The following TRIM24 variants were observed in gnomAD, a reference collection of about 807,000 sequenced individuals.
TRIM24 encodes the protein tripartite motif containing 24.
A neutral mutation model predicts 123.9 loss-of-function variants in TRIM24; 29 were observed. The observed-to-expected ratio is 0.23, with a 90% CI of 0.17 to 0.32. The LOEUF is 0.32. Among genes scored for constraint, TRIM24 ranks in the 10% least tolerant of loss-of-function variants. The pLI, the probability that TRIM24 is intolerant of heterozygous loss-of-function variation, is 1.00. For missense variants in TRIM24, 932 were observed against 1,295.3 expected (o/e 0.72, Z 4.31); for synonymous variants, 456 against 461.1 (o/e 0.99, Z 0.14).
At position 138,488,605 on chromosome 7, in the gene TRIM24, A is replaced by G. The variant is rs1230095197; in HGVS notation, c.365-15685A>G. The stretch of plus-strand genomic sequence containing the variant: ...TATTTCTGCCTTCATTTTGTTATGT[A>G]CCCAGTAATCATTTAGGAGCAGGTT... On this transcript the variant is annotated intron_variant, in intron 1 of 18. Transcript: ENST00000343526. Among the ~76,000 whole-genome samples, 4 of 152,070 alleles carry G rather than the reference A, an allele frequency of 2.6e-5. No homozygotes were observed. The East Asian group carries it at 7.7e-4, about 29-fold the overall frequency.
At chr7:138,464,665 T>TAC (rs1004426980) in intron 1 of TRIM24, among the ~76,000 whole-genome samples, 76 of 152,234 alleles carry the variant, frequency 5.0e-4, no homozygotes, top group African/African-American at 1.6e-3. Flanking sequence ...TAAATATATA[T>TAC]ACACACACAC....
Position 138,568,379 on chromosome 7 carries a change from C to CTT in TRIM24, c.1704+754_1704+755dup, listed in dbSNP as rs60386130. Among the ~76,000 whole-genome samples, 448 of 68,694 alleles carry CTT rather than the reference C, an allele frequency of 6.5e-3. 35 individuals carry two copies. Among genetic ancestry groups the CTT allele is most frequent in the African/African-American group, 0.015 (254 of 16,992 alleles). 45.1% of individuals were successfully genotyped at this position (68,694 alleles called of 152,430 possible). On this transcript the variant is annotated intron_variant, in intron 10 of 18. Transcript: ENST00000343526. ...CTCGTAAGCCACCGTACCTGGCCTC[C>CTT]TTTTTTTTTTTTTTTTTTTTTTTTT...
chr7:138,503,503 A>G (rs1796084172), intron 1 of TRIM24, among the ~76,000 whole-genome samples: 1 of 152,022 alleles, frequency 6.6e-6, no homozygotes, highest in African/African-American at 2.4e-5. Context: ...TTGTTTATAC[A>G]TATGAAATTG....
chr7:138,523,924 A>C (rs942681814), intron 4 of TRIM24, among the ~76,000 whole-genome samples: 3 of 152,164 alleles, frequency 2.0e-5, no homozygotes, highest in Non-Finnish European at 4.4e-5. Flanking sequence ...TGAATGTAAA[A>C]ATTCCAAGAA....
At chr7:138,508,708 C>CGTGTGCGTGTGTGTGTGCGTGTGCGT (rs1554436685) in intron 2 of TRIM24, among the ~76,000 whole-genome samples, 1 of 136,194 alleles carries the variant, frequency 7.3e-6, no homozygotes, top group Non-Finnish European at 1.6e-5. Context: ...CGCGTGTGTG[C>CGTGTGCGTGTGTGTGTGCGTGTGCGT]GTGTGTGTGT....
At chr7:138,469,139 A>G (rs1795214683) in intron 1 of TRIM24, among the ~76,000 whole-genome samples, 1 of 152,166 alleles carries the variant, frequency 6.6e-6, no homozygotes, top group African/African-American at 2.4e-5. Context: ...CTGGTGGAAA[A>G]CTGATGTCAG....
At chr7:138,461,323 C>T (rs1322949257) in intron 1 of TRIM24, 5 of 478,238 alleles carry the variant, frequency 1.0e-5, no homozygotes, top group African/African-American at 9.9e-5. Context: ...TCCTGATCAT[C>T]TCGTCTATAC....
chr7:138,579,269 G>A lies in TRIM24; in HGVS notation c.2322G>A (p.Glu774=). The change falls in exon 15 of 19, where the codon GAG becomes GAA. Residue 774 remains glutamate (E), a synonymous_variant. Coordinates refer to ENST00000343526, the MANE Select transcript of TRIM24 (RefSeq NM_015905.3). Reference sequence around the variant, plus strand: ...ATAGCAGTCAGAGCTCTACTTCTGAGGAGACTGTGCTAAGATCAGATGCCC... The same window carrying A: ...ATAGCAGTCAGAGCTCTACTTCTGAAGAGACTGTGCTAAGATCAGATGCCC... ...LLNSSQSSTS[E]ETVLRSDAPD... 1.2e-6 allele frequency: 2 copies of A among 1,614,024 alleles called. No homozygotes were observed. The highest frequency in any genetic ancestry group is 1.7e-6 in the Non-Finnish European group (2 of 1,179,948).
chr7:138,570,919 A>T lies in TRIM24; in HGVS notation c.1794A>T (p.Gly598=). 1 of 1,614,168 alleles carries T rather than the reference A, an allele frequency of 6.2e-7. No homozygotes were observed. Among genetic ancestry groups the T allele is most frequent in the Non-Finnish European group, 8.5e-7 (1 of 1,180,024 alleles). ...PSSPTITSAA[G]YDGKAFGSPM... ...GCCCCACGATTACTAGTGCAGCAGG[A>T]TATGATGGAAAGGCTTTTGGTTCAC... Residue 598 remains glycine (G), a synonymous_variant, in exon 11 of 19, where the codon GGA becomes GGT. Transcript: ENST00000343526.
intron 12 of TRIM24, 72 bp downstream of exon 12, chr7:138,573,714 C>A: frequency 6.7e-7 from 1 of 1,489,190 alleles, no homozygotes; most frequent in Non-Finnish European, 9.0e-7. Flanking sequence ...AAAAATTACC[C>A]CTCTTCTCCT....
intron 1 of TRIM24, among the ~76,000 whole-genome samples, chr7:138,494,998 T>C (rs1285891386): frequency 1.3e-5 from 2 of 152,202 alleles, no homozygotes; most frequent in East Asian, 3.9e-4. Context: ...TTCACTGTTA[T>C]GGAGTGATCA....
chr7:138,578,845 G>A (rs1462192766), intron 14 of TRIM24, among the ~76,000 whole-genome samples: 1 of 151,968 alleles, frequency 6.6e-6, no homozygotes, highest in Admixed American at 6.6e-5. Flanking sequence ...ACCATCCTGG[G>A]CTTCAACAGA....
At chr7:138,470,092 CTGT>C (rs1338451409) in intron 1 of TRIM24, among the ~76,000 whole-genome samples, 9 of 144,904 alleles carry the variant, frequency 6.2e-5, no homozygotes, top group Non-Finnish European at 1.2e-4. Flanking sequence ...ACTGCAGACT[CTGT>C]TGTTTGTTTT....
intron 7 of TRIM24, among the ~76,000 whole-genome samples, chr7:138,542,299 C>T (rs1343831545): frequency 2.6e-5 from 4 of 152,184 alleles, no homozygotes; most frequent in African/African-American, 9.7e-5. Context: ...TGCAACTCTT[C>T]CTTTCACTTG....
rs140875254 is a variant in TRIM24 at position 138,476,937 on chromosome 7, G to C, written c.364+16025G>C. On this transcript the variant is annotated intron_variant, in intron 1 of 18. Transcript: ENST00000343526. ...GTGGAATAAACTATGGTATATTACT[G>C]TGCCGATGTAAAAAAGGAATGAAAA... Among the ~76,000 whole-genome samples, 22 of 152,200 alleles carry C rather than the reference G, an allele frequency of 1.4e-4. No homozygotes were observed. In the East Asian group the frequency reaches 4.3e-3, roughly 29 times the overall value.
At position 138,588,310 on chromosome 7, in the gene TRIM24, A is replaced by G. The variant is rs187047057; in HGVS notation, c.*3359A>G. 6.6e-6 allele frequency: 1 copy of G among 152,366 alleles called. No homozygotes were observed. The highest frequency in any genetic ancestry group is 6.5e-5 in the Admixed American group (1 of 15,308). 9.4% of individuals were successfully genotyped at this position (152,366 alleles called of 1,614,324 possible). A position where few individuals can be genotyped will look rare whatever the true frequency, so the allele number is the denominator to read the frequency against. On this transcript the variant is annotated 3_prime_UTR_variant, in exon 19 of 19. Coordinates refer to ENST00000343526, the MANE Select transcript of TRIM24 (RefSeq NM_015905.3). ...GAATCCCCAAAGTAAATTGCTGCAT[A>G]TGAACAACAGGTTTTAGGTTTAAAT... is the stretch of plus-strand genomic sequence containing the variant.
rs1430382490 is a variant in TRIM24 at position 138,587,823 on chromosome 7, C to T, written c.*2872C>T. 6.6e-6 allele frequency: 1 copy of T among 152,154 alleles called. No homozygotes were observed. Among genetic ancestry groups the T allele is most frequent in the African/African-American group, 2.4e-5 (1 of 41,430 alleles). 9.4% of individuals were successfully genotyped at this position (152,154 alleles called of 1,614,324 possible). ...GTGTAAGGAAGCCCAAGTACTTGAC[C>T]AGTGATATATATGGCCATGGCAAAA... is the stretch of plus-strand genomic sequence containing the variant. On this transcript the variant is annotated 3_prime_UTR_variant, in exon 19 of 19. Transcript: ENST00000343526.
chr7:138,505,105 C>A (rs1274325796), intron 2 of TRIM24, among the ~76,000 whole-genome samples: 2 of 152,058 alleles, frequency 1.3e-5, no homozygotes, highest in Admixed American at 6.6e-5. Context: ...TGCTGGAGAT[C>A]TCTAAAATAA....
intron 1 of TRIM24, among the ~76,000 whole-genome samples, chr7:138,486,357 T>A (rs910801737): frequency 6.6e-6 from 1 of 152,296 alleles, no homozygotes; most frequent in East Asian, 1.9e-4. Context: ...CCCATTTGTC[T>A]ATTTTGGCTT....
Sources: allele counts gnomAD v4.1 joint callset (sites outside exome capture counted in the v4.1 genomes callset), GRCh38; gene constraint gnomAD v4.1.1; transcripts MANE v1.5; gene names NCBI Gene and HGNC (gene_info 2026-07-23, HGNC 2026-07-21).